Variants in TET1 observed in about 807,000 individuals in gnomAD.
TET1 encodes tet methylcytosine dioxygenase 1, also known as methylcytosine dioxygenase TET1.
TET1 carries 13 observed loss-of-function variants against 148.7 expected under a neutral mutation model. That is an observed-to-expected ratio of 0.09 (90% CI 0.06 to 0.14). The LOEUF (loss-of-function observed/expected upper bound fraction) is 0.14. TET1 is among the 10% of genes least tolerant of loss of function. The pLI is 1.00. For synonymous variants in TET1, 907 were observed against 937.2 expected (o/e 0.97, Z 0.59); for missense variants, 2,182 against 2,553.8 (o/e 0.85, Z 3.14).
At chr10:68,642,866 A>G (rs1480532734) in intron 3 of TET1, among the ~76,000 whole-genome samples, 2 of 152,116 alleles carry the variant, frequency 1.3e-5, no homozygotes, top group South Asian at 4.1e-4. Context: ...AGGCCTCCCA[A>G]AGTGCTAGGA....
At chr10:68,607,330 A>G (rs1426505888) in intron 3 of TET1, among the ~76,000 whole-genome samples, 2 of 151,734 alleles carry the variant, frequency 1.3e-5, no homozygotes, top group Non-Finnish European at 2.9e-5. Flanking sequence ...CTCTCCATTT[A>G]CTGACTAGAA....
intron 1 of TET1, among the ~76,000 whole-genome samples, chr10:68,564,715 C>A (rs2053588581): frequency 6.6e-6 from 1 of 152,168 alleles, no homozygotes; most frequent in South Asian, 2.1e-4. Flanking sequence ...CTCTTGAAGA[C>A]ATTCCAGGTT....
rs1233969206 is a variant in TET1, at chr10:68,653,554, T to C, written c.4461+960T>C. ...TAACAGAATTTGGAGAATTTACATA[T>C]ATTTCATGTTCAGTCTTCCTATTCT... On this transcript the variant is annotated intron_variant, in intron 6 of 11. Coordinates refer to ENST00000373644, the MANE Select transcript of TET1 (RefSeq NM_030625.3). Among the ~76,000 whole-genome samples the C allele has an allele frequency of 2.0e-5, 3 of 152,222 alleles. No homozygotes were observed. The East Asian group carries it at 5.8e-4, about 29-fold the overall frequency.
chr10:68,580,182 C>T (rs1309237814), intron 2 of TET1, among the ~76,000 whole-genome samples: 1 of 151,826 alleles, frequency 6.6e-6, no homozygotes, highest in Non-Finnish European at 1.5e-5. Context: ...CCCCCCTTGG[C>T]CTCCCAAAGT....
At chr10:68,644,542 G>A (rs1054837475) in intron 3 of TET1, among the ~76,000 whole-genome samples, 156 bp from the exon 4 acceptor site, 1 of 152,000 alleles carries the variant, frequency 6.6e-6, no homozygotes, top group Non-Finnish European at 1.5e-5. Context: ...TGTCCTTTTG[G>A]TATTTTATGA....
In TET1 at chr10:68,645,480, G is replaced by A. The variant is rs12241767; in HGVS notation, c.2751G>A (p.Glu917=). Reference sequence around the variant, plus strand: ...CCCCATCAAAGTCAGAGAAGGATGAGGAATCAGAGCAGAGAACAGCCAGTT... The same window carrying A: ...CCCCATCAAAGTCAGAGAAGGATGAAGAATCAGAGCAGAGAACAGCCAGTT... ...NSSPSKSEKD[E]ESEQRTASLL... The change falls in exon 4 of 12, where the codon GAG becomes GAA. Residue 917 remains glutamate (E), a synonymous_variant. Transcript: ENST00000373644. The A allele has an allele frequency of 0.14, 222,264 of 1,613,606 alleles. 18,169 individuals carry two copies. The highest frequency in any genetic ancestry group is 0.35 in the African/African-American group (26,585 of 74,924).
rs1050468691 is a variant in TET1, at chr10:68,632,493, T to C, written c.1969-12205T>C. 5 of 1,613,016 alleles carry C rather than the reference T, an allele frequency of 3.1e-6. No individual in the cohort carries two copies. In the Admixed American group the frequency reaches 8.3e-5, roughly 27 times the overall value. On this transcript the variant is annotated intron_variant, in intron 3 of 11. Coordinates refer to ENST00000373644, the MANE Select transcript of TET1 (RefSeq NM_030625.3). ...CAATATTGTATGGTTCATTAGGATC[T>C]GTTGTGGCTGGCTTTGGACATTTTT...
At chr10:68,607,408 G>GTTTT (rs34173669) in intron 3 of TET1, among the ~76,000 whole-genome samples, 1 of 147,018 alleles carries the variant, frequency 6.8e-6, no homozygotes, top group Non-Finnish European at 1.5e-5. Context: ...TGGATCTTAA[G>GTTTT]TTTTTTTTTT....
chr10:68,574,683 A>C (rs2053708406), intron 2 of TET1, among the ~76,000 whole-genome samples: 1 of 152,238 alleles, frequency 6.6e-6, no homozygotes, highest in Admixed American at 6.5e-5. Context: ...AACCAGAGGA[A>C]TTAAACATCT....
At chr10:68,608,395 C>CT (rs1329494104) in intron 3 of TET1, among the ~76,000 whole-genome samples, 1 of 151,970 alleles carries the variant, frequency 6.6e-6, no homozygotes, top group East Asian at 1.9e-4. Context: ...GCCACCATGC[C>CT]TGGCTAATTT....
intron 6 of TET1, among the ~76,000 whole-genome samples, chr10:68,653,692 T>TAC (rs2054973604): frequency 6.6e-6 from 1 of 152,250 alleles, no homozygotes; most frequent in Non-Finnish European, 1.5e-5. Context: ...ATTTCTCTTG[T>TAC]GTATCCTCTA....
At chr10:68,660,213 G>C (rs899008588) in intron 6 of TET1, among the ~76,000 whole-genome samples, 20 of 151,908 alleles carry the variant, frequency 1.3e-4, no homozygotes, top group African/African-American at 4.6e-4. Flanking sequence ...TTGTGTTACA[G>C]GGACTTATTT....
chr10:68,635,643 G>C (rs763535335), intron 3 of TET1, among the ~76,000 whole-genome samples: 4 of 152,186 alleles, frequency 2.6e-5, no homozygotes, highest in Non-Finnish European at 5.9e-5. Flanking sequence ...AAGCATGGGT[G>C]GGGGATTGTT....
chr10:68,676,188 T>TAC (rs1207460847), intron 8 of TET1, among the ~76,000 whole-genome samples: 15 of 145,468 alleles, frequency 1.0e-4, no homozygotes, highest in Non-Finnish European at 2.2e-4. Context: ...TGTGTGTGTA[T>TAC]ACACAAGATA....
intron 3 of TET1, among the ~76,000 whole-genome samples, chr10:68,606,606 C>CA (rs56765031): frequency 0.078 from 10,905 of 140,278 alleles, 925 homozygotes; most frequent in African/African-American, 0.21. Context: ...AAAACAAAAA[C>CA]AAAAAAAAAA....
At chr10:68,589,830 C>T (rs548783518) in intron 2 of TET1, among the ~76,000 whole-genome samples, 17 of 151,500 alleles carry the variant, frequency 1.1e-4, no homozygotes, top group African/African-American at 4.1e-4. Flanking sequence ...CACCACCATG[C>T]TCACTAATTT....
intron 2 of TET1, among the ~76,000 whole-genome samples, chr10:68,590,727 G>A (rs1401448377): frequency 6.6e-6 from 1 of 152,082 alleles, no homozygotes; most frequent in Non-Finnish European, 1.5e-5. Context: ...TTCACTGCAT[G>A]TCTGCCTTGA....
At chr10:68,579,034 C>T (rs554299764) in intron 2 of TET1, among the ~76,000 whole-genome samples, 1 of 152,132 alleles carries the variant, frequency 6.6e-6, no homozygotes, top group South Asian at 2.1e-4. Context: ...ATAATAACTA[C>T]CTTACTGAAA....
At chr10:68,586,049 C>G (rs1432409453) in intron 2 of TET1, among the ~76,000 whole-genome samples, 1 of 151,690 alleles carries the variant, frequency 6.6e-6, no homozygotes, top group Non-Finnish European at 1.5e-5. Context: ...TTGTTCTGTC[C>G]CCAGGCTAAG....
Sources: gnomAD v4.1 joint callset for allele counts (sites outside exome capture counted in the v4.1 genomes callset) on GRCh38, gnomAD v4.1.1 for gene constraint, MANE v1.5 for transcripts, NCBI Gene and HGNC (gene_info 2026-07-23, HGNC 2026-07-21) for gene names.